CAMTA1: variants seen among roughly 807,000 people sequenced by gnomAD.
The protein encoded by CAMTA1 is calmodulin-binding transcription activator 1.
Under a neutral mutation model 170.9 loss-of-function variants are expected in CAMTA1, and 27 were observed. The observed-to-expected ratio is 0.16, with a 90% CI of 0.12 to 0.22. The LOEUF (loss-of-function observed/expected upper bound fraction) is 0.22, where lower values mean the gene tolerates loss of function less well. CAMTA1 is among the 10% of genes least tolerant of loss of function. CAMTA1 has a pLI of 1.00. For synonymous variants in CAMTA1, 833 were observed against 891.5 expected, an observed-to-expected ratio of 0.93 and a Z score of 1.17; for missense variants, 1,619 against 2,217.2, an observed-to-expected ratio of 0.73 and a Z score of 5.42.
chr1:7,398,193 CTATATATATATATATATATA>C (rs3034829), intron 5 of CAMTA1, among the ~76,000 whole-genome samples: 40 of 16,892 alleles, frequency 2.4e-3, no homozygotes, highest in African/African-American at 4.8e-3. Flanking sequence ...CTCTCTCTCT[CTATATATATATATATATATA>C]TATATATATA....
intron 3 of CAMTA1, among the ~76,000 whole-genome samples, chr1:6,873,042 C>T (rs972073360): frequency 6.6e-6 from 1 of 152,176 alleles, no homozygotes; most frequent in Non-Finnish European, 1.5e-5. Flanking sequence ...CAGTTTTGTT[C>T]AGGCTCACGA....
intron 5 of CAMTA1, among the ~76,000 whole-genome samples, chr1:7,307,747 T>A (rs1675813743): frequency 6.6e-6 from 1 of 152,066 alleles, no homozygotes; most frequent in Admixed American, 6.5e-5. Context: ...TTGCTCAATT[T>A]TATTTTCTAA....
intron 6 of CAMTA1, among the ~76,000 whole-genome samples, chr1:7,527,408 C>T (rs771646434): frequency 2.2e-4 from 33 of 152,216 alleles, no homozygotes; most frequent in African/African-American, 4.1e-4. Flanking sequence ...AGACAAGCAG[C>T]GCCAGGTCAA....
intron 4 of CAMTA1, among the ~76,000 whole-genome samples, chr1:7,147,140 GC>G (rs1646246993): frequency 6.6e-6 from 1 of 151,252 alleles, no homozygotes; most frequent in Non-Finnish European, 1.5e-5. Flanking sequence ...ATACCACACA[GC>G]CAGGCATGAT....
intron 6 of CAMTA1, among the ~76,000 whole-genome samples, chr1:7,523,686 G>A (rs1268550657): frequency 2.7e-5 from 4 of 150,690 alleles, no homozygotes; most frequent in Non-Finnish European, 5.9e-5. Flanking sequence ...AGACCATCCT[G>A]GCTAACACGG....
intron 21 of CAMTA1, among the ~76,000 whole-genome samples, chr1:7,754,299 T>G (rs1279709055): frequency 6.6e-6 from 1 of 152,258 alleles, no homozygotes; most frequent in Non-Finnish European, 1.5e-5. Context: ...TTAGGCCACT[T>G]CAGACAAACC....
At chr1:6,852,333 A>G (rs1016191075) in intron 3 of CAMTA1, among the ~76,000 whole-genome samples, 4 of 152,128 alleles carry the variant, frequency 2.6e-5, no homozygotes, top group South Asian at 2.1e-4. Context: ...CATACCAACC[A>G]ATTCTCCAGT....
chr1:7,499,228 TGA>T (rs1343625067), intron 6 of CAMTA1, among the ~76,000 whole-genome samples: 3 of 127,084 alleles, frequency 2.4e-5, no homozygotes, highest in Admixed American at 7.8e-5. Context: ...TGTATGTATA[TGA>T]GTGTGTGTGT....
intron 5 of CAMTA1, among the ~76,000 whole-genome samples, chr1:7,403,668 C>T (rs1184321964): frequency 6.6e-6 from 1 of 152,170 alleles, no homozygotes; most frequent in African/African-American, 2.4e-5. Context: ...GGTGTTCCCT[C>T]TGAAGCCGAG....
chr1:6,941,433 A>G (rs939503701), intron 3 of CAMTA1, among the ~76,000 whole-genome samples: 1 of 152,156 alleles, frequency 6.6e-6, no homozygotes, highest in Non-Finnish European at 1.5e-5. Flanking sequence ...AGCAGCAAGG[A>G]AGCCGTGACC....
chr1:7,329,548 C>A (rs746803461), intron 5 of CAMTA1, among the ~76,000 whole-genome samples: 1 of 152,130 alleles, frequency 6.6e-6, no homozygotes, highest in Non-Finnish European at 1.5e-5. Flanking sequence ...ATGTTTCTCC[C>A]GTGGCTAATC....
At chr1:7,059,242 G>A (rs772317778) in intron 3 of CAMTA1, among the ~76,000 whole-genome samples, 9 of 152,342 alleles carry the variant, frequency 5.9e-5, no homozygotes, top group Non-Finnish European at 8.8e-5. Context: ...AGAGACTCAA[G>A]AATGGTTCAT....
intron 4 of CAMTA1, among the ~76,000 whole-genome samples, chr1:7,229,611 C>G (rs1171163735): frequency 1.3e-5 from 1 of 78,148 alleles, no homozygotes; most frequent in Non-Finnish European, 2.5e-5. Context: ...GGAGGGGAGG[C>G]TAGGAGGAGA....
At chr1:7,448,063 G>A (rs2092723227) in intron 5 of CAMTA1, among the ~76,000 whole-genome samples, 1 of 152,242 alleles carries the variant, frequency 6.6e-6, no homozygotes, top group African/African-American at 2.4e-5. Context: ...TGCGGCCGCT[G>A]TCTTGATCCT....
rs1195199857 is a variant in CAMTA1, at chr1:7,680,892, C to T, written c.2914+3159C>T. Among the ~76,000 whole-genome samples the T allele has an allele frequency of 1.3e-5, 2 of 150,912 alleles. No individual in the cohort carries two copies. The highest frequency in any genetic ancestry group is 2.4e-5 in the African/African-American group (1 of 41,072). On this transcript the variant is annotated intron_variant, in intron 11 of 22. Coordinates refer to ENST00000303635, the MANE Select transcript of CAMTA1 (RefSeq NM_015215.4). This position sits in a 1 kb window ranked among gnomAD's most constrained non-coding sequence, Gnocchi z 4.4. The stretch of plus-strand genomic sequence containing the variant: ...GCAGCAGCAGCAGCAGCTGCTGCGG[C>T]GAAGTCTTTGTCCCCGCGGCGCAGC...
chr1:7,350,698 A>AT (rs1396401811), intron 5 of CAMTA1, among the ~76,000 whole-genome samples: 7 of 152,106 alleles, frequency 4.6e-5, no homozygotes, highest in Non-Finnish European at 1.0e-4. Flanking sequence ...ATGGTCAGGT[A>AT]TTTTTAATAA....
At chr1:6,999,068 C>G (rs1026199000) in intron 3 of CAMTA1, among the ~76,000 whole-genome samples, 3 of 152,288 alleles carry the variant, frequency 2.0e-5, no homozygotes, top group African/African-American at 7.2e-5. Context: ...CAAAACAAAG[C>G]AATTATGTTT....
rs1304517340 is a variant in CAMTA1 at position 7,532,659 on chromosome 1, C to T, written c.510+64758C>T. 6.6e-6 allele frequency among the ~76,000 whole-genome samples: 1 copy of T among 152,238 alleles called. No homozygotes were observed. The highest frequency in any genetic ancestry group is 1.5e-5 in the Non-Finnish European group (1 of 68,050). On this transcript the variant is annotated intron_variant, in intron 6 of 22. Coordinates refer to ENST00000303635, the MANE Select transcript of CAMTA1 (RefSeq NM_015215.4). The surrounding 1 kb of genome is among the most constrained non-coding windows in gnomAD (Gnocchi z 4.2). The stretch of plus-strand genomic sequence containing the variant: ...AAGCATAGGGCTTGGCAACCTCCCT[C>T]TTCTCCCTGGAGTTGAAGGCAGTAC...
intron 6 of CAMTA1, among the ~76,000 whole-genome samples, chr1:7,486,747 T>C (rs368957065): frequency 5.9e-5 from 9 of 152,304 alleles, no homozygotes; most frequent in African/African-American, 2.2e-4. Context: ...GGGTTCCACT[T>C]TGATGGTCAA....
Sources: gnomAD v4.1 joint callset for allele counts (sites outside exome capture counted in the v4.1 genomes callset) on GRCh38, gnomAD v4.1.1 for gene constraint, Gnocchi (gnomAD v3.1) non-coding constraint, MANE v1.5 for transcripts, NCBI Gene and HGNC (gene_info 2026-07-23, HGNC 2026-07-21) for gene names.